The following RFTN1 variants were observed in gnomAD, a reference collection of about 807,000 sequenced individuals.
The protein encoded by RFTN1 is raftlin, lipid raft linker 1, also known as raftlin.
RFTN1 carries 26 observed loss-of-function variants against 46.5 expected under a neutral mutation model. That is an observed-to-expected ratio of 0.56 (90% confidence interval 0.41 to 0.78). The LOEUF (loss-of-function observed/expected upper bound fraction) is 0.78. Ranked by LOEUF, RFTN1 falls within the 30% of genes least tolerant of loss-of-function variation. The pLI, the probability that RFTN1 is intolerant of heterozygous loss-of-function variation, is 0.00. For missense variants in RFTN1, 693 were observed against 718.7 expected, an observed-to-expected ratio of 0.96 and a Z score of 0.41; for synonymous variants, 261 against 284.2, an observed-to-expected ratio of 0.92 and a Z score of 0.82.
Position 16,466,935 on chromosome 3 carries a change from T to C in RFTN1, c.145+26790A>G, listed in dbSNP as rs187935755. Among the ~76,000 whole-genome samples the C allele has an allele frequency of 5.9e-5, 9 of 152,242 alleles. No individual in the cohort carries two copies. Among genetic ancestry groups the C allele is most frequent in the African/African-American group, 2.2e-4 (9 of 41,550 alleles). On this transcript the variant is annotated intron_variant, in intron 2 of 9. Coordinates refer to ENST00000334133, the MANE Select transcript of RFTN1 (RefSeq NM_015150.2). The surrounding 1 kb of genome is among the most constrained non-coding windows in gnomAD (Gnocchi z 5.6). ...GGATAAAAAGGAAGGTCACTCTGATTGAAGAGGAGATGGTTAGTAGGGGGA... is the reference window on the plus strand; with the variant it reads ...GGATAAAAAGGAAGGTCACTCTGATCGAAGAGGAGATGGTTAGTAGGGGGA...
At position 16,512,561 on chromosome 3, in the gene RFTN1, C is replaced by T. The variant is rs1321472032; in HGVS notation, c.-9+881G>A. Among the ~76,000 whole-genome samples the T allele has an allele frequency of 6.6e-6, 1 of 152,174 alleles. No individual in the cohort carries two copies. The highest frequency in any genetic ancestry group is 6.5e-5 in the Admixed American group (1 of 15,284). The stretch of plus-strand genomic sequence containing the variant: ...AGAGTCACAGACAGACAGCAGGGAG[C>T]GTGCCTGGTTCTACAACCTTGGCCT... On this transcript the variant is annotated intron_variant, in intron 1 of 9. Coordinates refer to ENST00000334133, the MANE Select transcript of RFTN1 (RefSeq NM_015150.2). This position sits in a 1 kb window ranked among gnomAD's most constrained non-coding sequence, Gnocchi z 4.3.
At chr3:16,508,525 C>G (rs1388454268) in intron 1 of RFTN1, among the ~76,000 whole-genome samples, 1 of 152,174 alleles carries the variant, frequency 6.6e-6, no homozygotes, top group African/African-American at 2.4e-5. Flanking sequence ...AAGGAATTAG[C>G]CGGGTTCAAG....
At position 16,507,824 on chromosome 3, in the gene RFTN1, T is replaced by G. The variant is rs79471205; in HGVS notation, c.-9+5618A>C. Among the ~76,000 whole-genome samples the G allele has an allele frequency of 1.9e-5, 1 of 53,294 alleles. No individual in the cohort carries two copies. Among genetic ancestry groups the G allele is most frequent in the Non-Finnish European group, 3.8e-5 (1 of 26,350 alleles). 35.0% of individuals were successfully genotyped at this position (53,294 alleles called of 152,430 possible). The stretch of plus-strand genomic sequence containing the variant: ...ACACAAACGCACATACATACATACA[T>G]ACACACACACACACATACACACATA... On this transcript the variant is annotated intron_variant, in intron 1 of 9. Coordinates refer to ENST00000334133, the MANE Select transcript of RFTN1 (RefSeq NM_015150.2). The surrounding 1 kb of genome is among the most constrained non-coding windows in gnomAD (Gnocchi z 7.1).
chr3:16,335,792 AAAAG>A lies in RFTN1; in HGVS notation c.1147-8920_1147-8917del, dbSNP rs200908353. Among the ~76,000 whole-genome samples the A allele has an allele frequency of 0.013, 2,049 of 151,850 alleles. 42 individuals are homozygous for A. Among genetic ancestry groups the A allele is most frequent in the African/African-American group, 0.047 (1,957 of 41,380 alleles). ...CTGGAACTTTAAAAAAAAAAAAAAA[AAAAG>A]GAGTTTGATCACACCATCAAATATC... On this transcript the variant is annotated intron_variant, in intron 7 of 9. Transcript: ENST00000334133. The surrounding 1 kb of genome is among the most constrained non-coding windows in gnomAD (Gnocchi z 4.7).
rs562064322 is a variant in RFTN1 at position 16,372,372 on chromosome 3, C to T, written c.827-2093G>A. 5.9e-5 allele frequency among the ~76,000 whole-genome samples: 9 copies of T among 152,310 alleles called. No individual in the cohort carries two copies. In the East Asian group the frequency reaches 1.7e-3, roughly 29 times the overall value. On this transcript the variant is annotated intron_variant, in intron 5 of 9. Coordinates refer to ENST00000334133, the MANE Select transcript of RFTN1 (RefSeq NM_015150.2). ...CATAAATTGAAGGTCACTCCTGAAT[C>T]ATTAATTCCTCAGGGCCCATTCCCG... is the stretch of plus-strand genomic sequence containing the variant.
rs886329801 is a variant in RFTN1, at chr3:16,400,657, T to C, written c.441+8718A>G. Reference sequence around the variant, plus strand: ...TGAAGCACAAGAAAGTATCTCCTTTTTTGGGGAGTGATTGAGACAAGCGTA... The same window carrying C: ...TGAAGCACAAGAAAGTATCTCCTTTCTTGGGGAGTGATTGAGACAAGCGTA... On this transcript the variant is annotated intron_variant, in intron 4 of 9. Transcript: ENST00000334133. This position sits in a 1 kb window ranked among gnomAD's most constrained non-coding sequence, Gnocchi z 4.5. Among the ~76,000 whole-genome samples the C allele has an allele frequency of 6.6e-6, 1 of 152,190 alleles. No individual in the cohort carries two copies. Among genetic ancestry groups the C allele is most frequent in the African/African-American group, 2.4e-5 (1 of 41,442 alleles).
chr3:16,443,146 A>G lies in RFTN1; in HGVS notation c.146-9109T>C, dbSNP rs987545883. 3.3e-5 allele frequency among the ~76,000 whole-genome samples: 5 copies of G among 152,188 alleles called. No individual in the cohort carries two copies. Among genetic ancestry groups the G allele is most frequent in the Non-Finnish European group, 7.3e-5 (5 of 68,032 alleles). On this transcript the variant is annotated intron_variant, in intron 2 of 9. Coordinates refer to ENST00000334133, the MANE Select transcript of RFTN1 (RefSeq NM_015150.2). The surrounding 1 kb of genome is among the most constrained non-coding windows in gnomAD (Gnocchi z 5.5). The stretch of plus-strand genomic sequence containing the variant: ...TATTTTTAATTTTTGATGAACCTCC[A>G]TATTGTTTTCTATAATGGCTGTACT...
At chr3:16,470,890 C>T (rs1368451786) in intron 2 of RFTN1, among the ~76,000 whole-genome samples, 1 of 152,172 alleles carries the variant, frequency 6.6e-6, no homozygotes, top group Admixed American at 6.5e-5. Flanking sequence ...TCCCAAGTTA[C>T]ACAGGGTGCT....
chr3:16,469,329 T>C (rs2076154189), intron 2 of RFTN1, among the ~76,000 whole-genome samples: 1 of 152,238 alleles, frequency 6.6e-6, no homozygotes, highest in African/African-American at 2.4e-5. Flanking sequence ...GAGTCGGTTG[T>C]TGTTATTACA....
chr3:16,364,997 T>C (rs2073065549), intron 6 of RFTN1, among the ~76,000 whole-genome samples: 1 of 152,258 alleles, frequency 6.6e-6, no homozygotes, highest in Non-Finnish European at 1.5e-5. Context: ...TCCTATGATC[T>C]GTACAGTTTT....
rs750036759 is a variant in RFTN1 at position 16,433,995 on chromosome 3, C to A, written c.188G>T (p.Arg63Leu). 1.2e-6 allele frequency: 2 copies of A among 1,612,320 alleles called. No homozygotes were observed. Among genetic ancestry groups the A allele is most frequent in the Non-Finnish European group, 1.7e-6 (2 of 1,179,338 alleles). ...CTCCAGGAGCTGGGCGGGCAGGTCA[C>A]GCAGGGAGGCCAGCCTCACTGCTGA... ...GSSAVRLASL[R>L]DLPAQLLELY... The change falls in exon 3 of 10, where the codon CGT becomes CTT. Residue 63 changes from arginine to leucine, a missense_variant. Arg to Leu is a moderately radical substitution (Grantham distance 102). Coordinates refer to ENST00000334133, the MANE Select transcript of RFTN1 (RefSeq NM_015150.2). This position sits in a 1 kb window ranked among gnomAD's most constrained non-coding sequence, Gnocchi z 4.4.
In RFTN1 at chr3:16,348,353, G is replaced by T. The variant is rs1343330152; in HGVS notation, c.1146+9579C>A. ...AGATCATCCACATTATCCAATATGT[G>T]TTCTAATTATAAAAAAAAATTAATA... is the stretch of plus-strand genomic sequence containing the variant. On this transcript the variant is annotated intron_variant, in intron 7 of 9. Coordinates refer to ENST00000334133, the MANE Select transcript of RFTN1 (RefSeq NM_015150.2). This position sits in a 1 kb window ranked among gnomAD's most constrained non-coding sequence, Gnocchi z 6.3. Among the ~76,000 whole-genome samples, 1 of 149,306 alleles carries T rather than the reference G, an allele frequency of 6.7e-6. No individual in the cohort carries two copies. The highest frequency in any genetic ancestry group is 2.0e-4 in the East Asian group (1 of 5,102).
chr3:16,496,975 CAA>C (rs2076635878), intron 1 of RFTN1, among the ~76,000 whole-genome samples: 1 of 152,146 alleles, frequency 6.6e-6, no homozygotes, highest in Non-Finnish European at 1.5e-5. Flanking sequence ...CAGCCAGACA[CAA>C]AAAGTACATT....
intron 1 of RFTN1, among the ~76,000 whole-genome samples, chr3:16,501,583 G>C (rs1035775565): frequency 1.3e-5 from 2 of 152,226 alleles, no homozygotes; most frequent in African/African-American, 2.4e-5. Context: ...CAAGCAACCA[G>C]AGATGGGGCA....
rs917390132 is a variant in RFTN1, at chr3:16,387,076, G to C, written c.442-8974C>G. On this transcript the variant is annotated intron_variant, in intron 4 of 9. Coordinates refer to ENST00000334133, the MANE Select transcript of RFTN1 (RefSeq NM_015150.2). The surrounding 1 kb of genome is among the most constrained non-coding windows in gnomAD (Gnocchi z 5.2). ...GTGAAGACCCAGAAAGCTGCTTTAA[G>C]AGGCACACAGATGAGTGTTCCTTCT... Among the ~76,000 whole-genome samples, 56 of 152,344 alleles carry C rather than the reference G, an allele frequency of 3.7e-4. No homozygotes were observed. Among genetic ancestry groups the C allele is most frequent in the African/African-American group, 1.3e-3 (54 of 41,586 alleles).
intron 2 of RFTN1, among the ~76,000 whole-genome samples, chr3:16,463,053 A>G (rs1230978636): frequency 6.6e-6 from 1 of 152,264 alleles, no homozygotes; most frequent in Non-Finnish European, 1.5e-5. Context: ...GTTCTCACCC[A>G]CTAGAGACAG....
intron 1 of RFTN1, among the ~76,000 whole-genome samples, chr3:16,495,109 C>A (rs1457587591): frequency 6.6e-6 from 1 of 152,144 alleles, no homozygotes; most frequent in African/African-American, 2.4e-5. Context: ...TGGATGAGAA[C>A]AGGAAGGCTT....
Position 16,403,658 on chromosome 3 carries a change from TATTTTATGTATATAA to T in RFTN1, c.441+5702_441+5716del, listed in dbSNP as rs1559326435. Among the ~76,000 whole-genome samples the T allele has an allele frequency of 2.2e-3, 78 of 35,570 alleles. 2 individuals carry two copies. Among genetic ancestry groups the T allele is most frequent in the South Asian group, 3.0e-3 (4 of 1,338 alleles). 23.3% of individuals were successfully genotyped at this position (35,570 alleles called of 152,430 possible). On this transcript the variant is annotated intron_variant, in intron 4 of 9. Coordinates refer to ENST00000334133, the MANE Select transcript of RFTN1 (RefSeq NM_015150.2). ...TAATATATAATATATATATAATATA[TATTTTATGTATATAA>T]TATATAATATATATATAATATATAT...
Position 16,317,159 on chromosome 3 carries a change from C to A in RFTN1, c.1406G>T (p.Arg469Ile). The part of the protein sequence containing the change: ...MRKSKGKLSA[R>I]DKQQAEENEK... The stretch of plus-strand genomic sequence containing the variant: ...ATTTTCTTCTGCTTGTTGTTTGTCT[C>A]TGGCACTGAGTTTACCTTTTGATTT... The change falls in exon 10 of 10, where the codon AGA (arginine) becomes ATA (isoleucine). Residue 469 changes from arginine to isoleucine, a missense_variant. Transcript: ENST00000334133. This position sits in a 1 kb window ranked among gnomAD's most constrained non-coding sequence, Gnocchi z 4.3. 1 of 1,613,710 alleles carries A rather than the reference C, an allele frequency of 6.2e-7. No homozygotes were observed.
Sources: allele counts gnomAD v4.1 joint callset (sites outside exome capture counted in the v4.1 genomes callset), GRCh38; gene constraint gnomAD v4.1.1; non-coding constraint Gnocchi (gnomAD v3.1); transcripts MANE v1.5; gene names NCBI Gene and HGNC (gene_info 2026-07-23, HGNC 2026-07-21).